Variants in TET3 observed in about 807,000 individuals in gnomAD.
The protein encoded by TET3 is tet methylcytosine dioxygenase 3.
TET3 carries 19 observed loss-of-function variants against 141.4 expected under a neutral mutation model. The ratio of observed to expected loss-of-function variants is 0.13; its 90% confidence interval spans 0.09 to 0.20. The LOEUF is 0.20. TET3 is among the 10% of genes least tolerant of loss of function. The pLI is 1.00. For missense variants in TET3, 1,874 were observed against 2,356.9 expected (o/e 0.80, Z 4.24); for synonymous variants, 1,043 against 980.9 (o/e 1.06, Z -1.18).
intron 3 of TET3, among the ~76,000 whole-genome samples, chr2:74,012,252 A>G (rs1685475628): frequency 6.6e-6 from 1 of 152,180 alleles, no homozygotes; most frequent in Admixed American, 6.5e-5. Flanking sequence ...TTGGGATGGC[A>G]TGAGCCACCT....
At chr2:74,063,962 C>CA (rs1388512633) in intron 4 of TET3, among the ~76,000 whole-genome samples, 3 of 149,458 alleles carry the variant, frequency 2.0e-5, no homozygotes, top group Non-Finnish European at 4.5e-5. Context: ...GAGTTCTTAC[C>CA]AAAAAAAGTG....
intron 3 of TET3, among the ~76,000 whole-genome samples, chr2:74,013,773 C>T (rs1437312924): frequency 2.0e-5 from 3 of 152,138 alleles, no homozygotes; most frequent in Admixed American, 6.5e-5. Context: ...GATCGCACCA[C>T]TGCCCTCCAG....
the TET3 span, among the ~76,000 whole-genome samples, chr2:74,114,216 T>C: frequency 1.3e-5 from 2 of 152,090 alleles, no homozygotes; most frequent in Non-Finnish European, 2.9e-5. Context: ...GGACAATCTT[T>C]TGAACAAATG....
chr2:74,062,794 A>G (rs775911313), intron 4 of TET3, among the ~76,000 whole-genome samples: 4 of 152,130 alleles, frequency 2.6e-5, no homozygotes, highest in Non-Finnish European at 5.9e-5. Flanking sequence ...AAACAGCACC[A>G]AGAAGGTTAG....
chr2:74,097,295 A>C (rs958276460), intron 10 of TET3, among the ~76,000 whole-genome samples: 1 of 151,762 alleles, frequency 6.6e-6, no homozygotes, highest in Admixed American at 6.6e-5. Flanking sequence ...CAGAGCTCCA[A>C]CTGCTACAAT....
intron 3 of TET3, among the ~76,000 whole-genome samples, chr2:74,010,428 C>G (rs1685369874): frequency 6.6e-6 from 1 of 152,234 alleles, no homozygotes; most frequent in African/African-American, 2.4e-5. Context: ...ACCCCCACAG[C>G]CACCACCGGC....
the TET3 span, among the ~76,000 whole-genome samples, chr2:74,118,436 G>A: frequency 1.3e-5 from 2 of 152,044 alleles, no homozygotes; most frequent in East Asian, 1.9e-4. Flanking sequence ...AGCACAGTAC[G>A]GTACTGTAAA....
chr2:74,073,703 C>A, intron 5 of TET3, 64 bp downstream of exon 5: 1 of 1,346,772 alleles, frequency 7.4e-7, no homozygotes, highest in Non-Finnish European at 1.0e-6. Flanking sequence ...GGATATTAAG[C>A]GCCTCTCATT....
intron 3 of TET3, among the ~76,000 whole-genome samples, chr2:74,020,867 G>A (rs1404871428): frequency 6.6e-6 from 1 of 152,166 alleles, no homozygotes; most frequent in Non-Finnish European, 1.5e-5. Context: ...CGTGTCCCGG[G>A]GTTTCCCTGG....
chr2:74,082,900 G>A (rs540295017), intron 6 of TET3, among the ~76,000 whole-genome samples: 10 of 152,252 alleles, frequency 6.6e-5, no homozygotes, highest in South Asian at 2.1e-4. Flanking sequence ...CTGTGGCCAC[G>A]GGTGAGTGCA....
chr2:74,060,309 G>A (rs534236133), intron 4 of TET3, among the ~76,000 whole-genome samples: 15 of 152,200 alleles, frequency 9.9e-5, no homozygotes, highest in South Asian at 6.2e-4. Flanking sequence ...TTCAAGTTCC[G>A]GTTCAAGTCA....
chr2:74,094,740 T>C (rs1363017159), intron 10 of TET3, among the ~76,000 whole-genome samples: 1 of 152,012 alleles, frequency 6.6e-6, no homozygotes, highest in Non-Finnish European at 1.5e-5. Context: ...GGCTGGATTG[T>C]TATGTGAGCA....
chr2:74,072,709 G>A (rs758179803), intron 4 of TET3, among the ~76,000 whole-genome samples: 23 of 151,960 alleles, frequency 1.5e-4, no homozygotes, highest in Non-Finnish European at 4.4e-5. Flanking sequence ...AACTTCATCA[G>A]CCTAAACAGA....
At chr2:74,058,769 G>A (rs189705807) in intron 4 of TET3, among the ~76,000 whole-genome samples, 3 of 152,138 alleles carry the variant, frequency 2.0e-5, no homozygotes, top group Non-Finnish European at 2.9e-5. Context: ...CTCCAGGCAC[G>A]TGGCACCCAA....
intron 3 of TET3, among the ~76,000 whole-genome samples, chr2:74,031,563 G>A (rs1558728732): frequency 6.6e-6 from 1 of 152,144 alleles, no homozygotes; most frequent in Non-Finnish European, 1.5e-5. Context: ...ACTTTTCCAG[G>A]AGTTGAAGTT....
At chr2:74,123,878 C>A in the TET3 span, among the ~76,000 whole-genome samples, 512 of 150,034 alleles carry the variant, frequency 3.4e-3, no homozygotes, top group African/African-American at 0.012. Flanking sequence ...GCCGCCCCGT[C>A]TGGGATGTGA....
At chr2:73,994,427 A>G (rs1389136214) in intron 2 of TET3, among the ~76,000 whole-genome samples, 2 of 152,154 alleles carry the variant, frequency 1.3e-5, no homozygotes, top group Admixed American at 1.3e-4. Context: ...TCTAGCATTT[A>G]TGACTATTCC....
the TET3 span, among the ~76,000 whole-genome samples, chr2:74,119,319 C>T: frequency 6.8e-6 from 1 of 147,570 alleles, no homozygotes; most frequent in South Asian, 2.1e-4. Flanking sequence ...CACCACTGCA[C>T]TTCAGCCTGG....
intron 4 of TET3, among the ~76,000 whole-genome samples, chr2:74,056,368 G>C (rs547874549): frequency 6.6e-6 from 1 of 152,282 alleles, no homozygotes; most frequent in African/African-American, 2.4e-5. Flanking sequence ...TCTCTCCCCA[G>C]CCTAGAGCAG....
Sources: gnomAD v4.1 joint callset for allele counts (sites outside exome capture counted in the v4.1 genomes callset) on GRCh38, gnomAD v4.1.1 for gene constraint, MANE v1.5 for transcripts, NCBI Gene and HGNC (gene_info 2026-07-23, HGNC 2026-07-21) for gene names.